Variants in RABGEF1 observed in about 807,000 individuals in gnomAD.
RABGEF1 encodes the protein rab5 GDP/GTP exchange factor.
A neutral mutation model predicts 57.3 loss-of-function variants in RABGEF1; 26 were observed. That is an observed-to-expected ratio of 0.45 (90% CI 0.33 to 0.63). RABGEF1 has a LOEUF of 0.63. Among genes scored for constraint, RABGEF1 ranks in the 20% least tolerant of loss-of-function variants. The pLI, the probability that RABGEF1 is intolerant of heterozygous loss-of-function variation, is 0.02. For synonymous variants in RABGEF1, 185 were observed against 210.7 expected (o/e 0.88, Z 1.06); for missense variants, 464 against 607.6 (o/e 0.76, Z 2.48).
chr7:66,804,995 A>G, intron 7 of RABGEF1, 145 bp from the exon 8 acceptor site: 1 of 905,762 alleles, frequency 1.1e-6, no homozygotes, highest in South Asian at 1.8e-5. Flanking sequence ...GATCATATTT[A>G]CTAAGTTATT....
At chr7:66,772,579 G>A (rs1583957236) in intron 2 of RABGEF1, among the ~76,000 whole-genome samples, 3 of 152,198 alleles carry the variant, frequency 2.0e-5, no homozygotes, top group South Asian at 4.1e-4. Context: ...AATTAGGTTA[G>A]CATTTGGTAT....
intron 1 of RABGEF1, among the ~76,000 whole-genome samples, chr7:66,742,120 C>T (rs1799121219): frequency 6.6e-6 from 1 of 151,326 alleles, no homozygotes; most frequent in Non-Finnish European, 1.5e-5. Flanking sequence ...CACTGCACTC[C>T]AGCCTGGGCG....
At chr7:66,692,049 C>G (rs1791593220) in intron 1 of RABGEF1, among the ~76,000 whole-genome samples, 3 of 151,346 alleles carry the variant, frequency 2.0e-5, no homozygotes. Flanking sequence ...AAAGCAAGAC[C>G]CTGTTTTCTT....
intron 1 of RABGEF1, among the ~76,000 whole-genome samples, chr7:66,702,838 GTT>G (rs1793494249): frequency 6.6e-6 from 1 of 151,838 alleles, no homozygotes; most frequent in East Asian, 1.9e-4. Context: ...TCTTTTTGTT[GTT>G]CAGTTTTGAG....
chr7:66,790,607 A>C (rs1038901013), intron 4 of RABGEF1, among the ~76,000 whole-genome samples: 1 of 152,234 alleles, frequency 6.6e-6, no homozygotes, highest in African/African-American at 2.4e-5. Flanking sequence ...GCTGCCTCTT[A>C]CAAGATTTTC....
At chr7:66,789,461 TCA>T (rs1425650522) in intron 4 of RABGEF1, among the ~76,000 whole-genome samples, 2 of 152,114 alleles carry the variant, frequency 1.3e-5, no homozygotes. Context: ...GATGGGCGGA[TCA>T]CAAGGTCAGG....
At position 66,799,307 on chromosome 7, in the gene RABGEF1, G is replaced by GTC. The variant is rs776533375; in HGVS notation, c.729-6_729-5dup. 2.2e-5 allele frequency: 35 copies of GTC among 1,566,878 alleles called. No individual in the cohort carries two copies. The highest frequency in any genetic ancestry group is 2.7e-5 in the Non-Finnish European group (31 of 1,138,414). ...TTTATCCTTGGAGCTCTTGTTTACT[G>GTC]TCTCTCTCTCTTTAGAGCCCTGCGC... On this transcript the variant is annotated splice_polypyrimidine_tract_variant and intron_variant, in intron 6 of 8. Transcript: ENST00000284957.
chr7:66,797,339 T>C, intron 5 of RABGEF1, 35 bp from the exon 6 acceptor site: 1 of 1,514,870 alleles, frequency 6.6e-7, no homozygotes, highest in South Asian at 1.2e-5. Context: ...AAAAAATATA[T>C]ATATCTTGAT....
At chr7:66,684,032 G>A (rs1459955476) in intron 1 of RABGEF1, among the ~76,000 whole-genome samples, 1 of 152,128 alleles carries the variant, frequency 6.6e-6, no homozygotes, top group Non-Finnish European at 1.5e-5. Flanking sequence ...ATCGGCTCCC[G>A]AGCCTGGAGG....
At chr7:66,693,411 T>G (rs993489367) in intron 1 of RABGEF1, among the ~76,000 whole-genome samples, 2 of 152,194 alleles carry the variant, frequency 1.3e-5, no homozygotes, top group Admixed American at 1.3e-4. Context: ...TGGCCTGGGC[T>G]TCCAGGGCAG....
At chr7:66,698,576 G>A (rs1792718142) in intron 1 of RABGEF1, among the ~76,000 whole-genome samples, 1 of 152,202 alleles carries the variant, frequency 6.6e-6, no homozygotes, top group Admixed American at 6.5e-5. Context: ...GCAGGGAGGG[G>A]CCAGGTTTGC....
chr7:66,775,258 A>G lies in RABGEF1; in HGVS notation c.211A>G (p.Ser71Gly). The G allele has an allele frequency of 6.2e-7, 1 of 1,613,618 alleles. No homozygotes were observed. Among genetic ancestry groups the G allele is most frequent in the Non-Finnish European group, 8.5e-7 (1 of 1,179,750 alleles). ...LQREEEEAFA[S>G]SQSSQGAQSL... ...GCGGGAGGAAGAAGAGGCCTTTGCCAGCAGTCAGAGCAGCCAAGGGGCCCA... is the reference window on the plus strand; with the variant it reads ...GCGGGAGGAAGAAGAGGCCTTTGCCGGCAGTCAGAGCAGCCAAGGGGCCCA... The change falls in exon 3 of 9, where the codon AGC (serine) becomes GGC (glycine). Residue 71 changes from serine (S) to glycine (G), a missense_variant. Coordinates refer to ENST00000284957, the MANE Select transcript of RABGEF1 (RefSeq NM_014504.3).
At chr7:66,750,086 TTTTA>T (rs1315502343) in intron 1 of RABGEF1, among the ~76,000 whole-genome samples, 3 of 152,354 alleles carry the variant, frequency 2.0e-5, no homozygotes, top group Non-Finnish European at 4.4e-5. Context: ...TGGATTATAT[TTTTA>T]TTTGTGTAAA....
rs34356500 is a variant in RABGEF1, at chr7:66,771,620, G to T, written c.-17-263G>T. ...TACATTTAGGTCTTTAATCTAATGTGAGTCCTTTCTTAATTTTTTATTTTT... is the reference window on the plus strand; with the variant it reads ...TACATTTAGGTCTTTAATCTAATGTTAGTCCTTTCTTAATTTTTTATTTTT... On this transcript the variant is annotated intron_variant, in intron 1 of 8. Transcript: ENST00000284957. Among the ~76,000 whole-genome samples the T allele has an allele frequency of 0.49, 74,978 of 151,808 alleles. 19,410 individuals carry two copies. The highest frequency in any genetic ancestry group is 0.74 in the East Asian group (3,817 of 5,176).
intron 1 of RABGEF1, among the ~76,000 whole-genome samples, chr7:66,695,651 C>T (rs1263833563): frequency 1.3e-5 from 2 of 151,538 alleles, no homozygotes; most frequent in Non-Finnish European, 2.9e-5. Flanking sequence ...CACGGTGGCT[C>T]ACGCCTATAA....
chr7:66,738,875 C>G (rs1270444547), upstream of RABGEF1, among the ~76,000 whole-genome samples: 1 of 152,164 alleles, frequency 6.6e-6, no homozygotes, highest in Non-Finnish European at 1.5e-5. Context: ...GCAATTACCA[C>G]CATCCAAGGT....
intron 4 of RABGEF1, among the ~76,000 whole-genome samples, chr7:66,787,747 C>A (rs932430607): frequency 2.6e-5 from 4 of 152,190 alleles, no homozygotes; most frequent in African/African-American, 9.6e-5. Context: ...GGTATACATT[C>A]TCTTTGTCAT....
At chr7:66,685,206 G>C (rs1790424733) in intron 1 of RABGEF1, among the ~76,000 whole-genome samples, 1 of 136,956 alleles carries the variant, frequency 7.3e-6, no homozygotes, top group African/African-American at 2.7e-5. Context: ...CTGGGCTAGA[G>C]TGCAGTGGTT....
chr7:66,724,081 AT>A (rs550103593), intron 2 of RABGEF1, among the ~76,000 whole-genome samples: 57 of 149,516 alleles, frequency 3.8e-4, no homozygotes, highest in South Asian at 8.4e-4. Flanking sequence ...TTCTTAAGAA[AT>A]TTTTTTTTTG....
Sources: allele counts gnomAD v4.1 joint callset (sites outside exome capture counted in the v4.1 genomes callset), GRCh38; gene constraint gnomAD v4.1.1; transcripts MANE v1.5; gene names NCBI Gene and HGNC (gene_info 2026-07-23, HGNC 2026-07-21).